The following THSD4 variants were observed in gnomAD, a reference collection of about 807,000 sequenced individuals.
The protein encoded by THSD4 is thrombospondin type 1 domain containing 4, also known as thrombospondin type-1 domain-containing protein 4.
A neutral mutation model predicts 119.0 loss-of-function variants in THSD4; 69 were observed. The ratio of observed to expected loss-of-function variants is 0.58; its 90% CI spans 0.48 to 0.71. THSD4 has a LOEUF of 0.71. Ranked by LOEUF, THSD4 falls within the 30% of genes least tolerant of loss-of-function variation. THSD4 has a pLI of 0.00. For synonymous variants in THSD4, 524 were observed against 540.4 expected (o/e 0.97, Z 0.42); for missense variants, 1,393 against 1,391.1 (o/e 1.00, Z -0.02).
intron 7 of THSD4, among the ~76,000 whole-genome samples, chr15:71,642,982 C>A (rs1192184030): frequency 6.6e-6 from 1 of 152,116 alleles, no homozygotes; most frequent in Non-Finnish European, 1.5e-5. Context: ...AGTCTAGGTT[C>A]TGGGACTGGA....
intron 7 of THSD4, among the ~76,000 whole-genome samples, chr15:71,606,633 C>G (rs185935044): frequency 6.6e-6 from 1 of 152,188 alleles, no homozygotes; most frequent in East Asian, 1.9e-4. Flanking sequence ...CTCCACCTCC[C>G]GGGTTCAAGC....
At chr15:71,117,793 C>T (rs1393511047) in intron 1 of THSD4, among the ~76,000 whole-genome samples, 2 of 152,178 alleles carry the variant, frequency 1.3e-5, no homozygotes, top group Admixed American at 1.3e-4. Flanking sequence ...TAATTTATCT[C>T]CAACAGATAT....
At chr15:71,402,446 C>A (rs28454401) in intron 6 of THSD4, among the ~76,000 whole-genome samples, 1 of 152,002 alleles carries the variant, frequency 6.6e-6, no homozygotes, top group African/African-American at 2.4e-5. Flanking sequence ...GAGCACTGAT[C>A]CTAAAGCAGA....
At chr15:71,448,515 C>T (rs894245651) in intron 7 of THSD4, among the ~76,000 whole-genome samples, 4 of 152,088 alleles carry the variant, frequency 2.6e-5, no homozygotes, top group Non-Finnish European at 4.4e-5. Flanking sequence ...GTAAGTAATG[C>T]CTAGTATGGA....
intron 17 of THSD4, among the ~76,000 whole-genome samples, chr15:71,773,622 T>C (rs184080100): frequency 8.5e-4 from 130 of 152,364 alleles, no homozygotes; most frequent in Middle Eastern, 3.4e-3. Context: ...AAATTATACC[T>C]GTCAATGCCA....
intron 2 of THSD4, among the ~76,000 whole-genome samples, chr15:71,153,139 A>G (rs916395136): frequency 6.6e-6 from 1 of 152,160 alleles, no homozygotes; most frequent in Non-Finnish European, 1.5e-5. Flanking sequence ...GTACCCCCAG[A>G]TACCAGGGCA....
intron 8 of THSD4, among the ~76,000 whole-genome samples, chr15:71,677,387 A>G (rs4776566): frequency 1.3e-5 from 2 of 152,146 alleles, no homozygotes; most frequent in East Asian, 1.9e-4. Flanking sequence ...ACTCTTGTCC[A>G]GAACCAAATA....
At chr15:71,190,933 C>T (rs897776642) in intron 3 of THSD4, among the ~76,000 whole-genome samples, 3 of 152,158 alleles carry the variant, frequency 2.0e-5, no homozygotes, top group East Asian at 1.9e-4. Context: ...TTTAGACTCG[C>T]GTCCCCCTTC....
intron 6 of THSD4, among the ~76,000 whole-genome samples, chr15:71,322,214 C>G (rs2083610): frequency 0.052 from 7,876 of 152,204 alleles, 214 homozygotes; most frequent in Non-Finnish European, 0.063. Context: ...TACCTGCTGA[C>G]TTGCTTGCTA....
chr15:71,251,901 G>C (rs987977591), intron 5 of THSD4, among the ~76,000 whole-genome samples: 2 of 152,166 alleles, frequency 1.3e-5, no homozygotes, highest in African/African-American at 4.8e-5. Flanking sequence ...CAATTGTCTA[G>C]ATAGAACTTT....
intron 7 of THSD4, among the ~76,000 whole-genome samples, chr15:71,616,909 C>T (rs549222942): frequency 5.9e-5 from 9 of 152,286 alleles, no homozygotes; most frequent in Admixed American, 5.9e-4. Context: ...TCCTCGAAAG[C>T]TTCATTTACA....
At chr15:71,266,074 G>A (rs2044462616) in intron 6 of THSD4, among the ~76,000 whole-genome samples, 1 of 152,246 alleles carries the variant, frequency 6.6e-6, no homozygotes, top group African/African-American at 2.4e-5. Context: ...TCTGAAGAGA[G>A]CAGCGGATCT....
chr15:71,765,102 A>G lies in THSD4; in HGVS notation c.2672A>G (p.Asp891Gly). Residue 891 changes from aspartate to glycine, a missense_variant, in exon 16 of 18, where the codon GAC becomes GGC. Coordinates refer to ENST00000261862, the MANE Select transcript of THSD4 (RefSeq NM_024817.3). ...RKNADTFEVLDPSECSFLEKP... is the reference protein window; with the variant it reads ...RKNADTFEVLGPSECSFLEKP... Reference sequence around the variant, plus strand: ...AATGCAGACACCTTTGAAGTGTTGGACCCCTCTGAATGTTCTTTCCTGGAG... The same window carrying G: ...AATGCAGACACCTTTGAAGTGTTGGGCCCCTCTGAATGTTCTTTCCTGGAG... 2 of 1,614,106 alleles carry G rather than the reference A, an allele frequency of 1.2e-6. No individual in the cohort carries two copies. The highest frequency in any genetic ancestry group is 1.7e-6 in the Non-Finnish European group (2 of 1,180,016).
intron 8 of THSD4, among the ~76,000 whole-genome samples, chr15:71,701,683 T>C (rs1230599740): frequency 1.3e-5 from 2 of 152,180 alleles, no homozygotes; most frequent in African/African-American, 4.8e-5. Flanking sequence ...AAAAAAATTA[T>C]AGTAGGGTCC....
intron 6 of THSD4, among the ~76,000 whole-genome samples, chr15:71,382,092 A>G (rs1203426341): frequency 6.6e-6 from 1 of 152,172 alleles, no homozygotes; most frequent in African/African-American, 2.4e-5. Flanking sequence ...TCAAGATGAC[A>G]ATAAGGTATT....
chr15:71,741,713 AC>A (rs1567130460), intron 11 of THSD4, among the ~76,000 whole-genome samples: 1 of 148,716 alleles, frequency 6.7e-6, no homozygotes, highest in Admixed American at 6.6e-5. Flanking sequence ...ACACACACAC[AC>A]ACACACACAC....
chr15:71,363,580 C>A (rs556091469), intron 6 of THSD4, among the ~76,000 whole-genome samples: 1 of 152,148 alleles, frequency 6.6e-6, no homozygotes, highest in Non-Finnish European at 1.5e-5. Flanking sequence ...GAACAAAAAG[C>A]GAAATCATGA....
chr15:71,385,187 C>T (rs1208331734), intron 6 of THSD4, among the ~76,000 whole-genome samples: 2 of 152,096 alleles, frequency 1.3e-5, no homozygotes, highest in Non-Finnish European at 2.9e-5. Context: ...AAAAAAATTG[C>T]TCATATAAAC....
In THSD4 at chr15:71,540,576, G is replaced by A. The variant is rs1447363833; in HGVS notation, c.1153-119954G>A. On this transcript the variant is annotated intron_variant, in intron 7 of 17. Coordinates refer to ENST00000261862, the MANE Select transcript of THSD4 (RefSeq NM_024817.3). Reference sequence around the variant, plus strand: ...CCCGAGTAGATGGGATTACAAGCACGTGCCACCACACTCAGCTAATTTTTG... The same window carrying A: ...CCCGAGTAGATGGGATTACAAGCACATGCCACCACACTCAGCTAATTTTTG... 2.8e-5 allele frequency among the ~76,000 whole-genome samples: 4 copies of A among 140,532 alleles called. No homozygotes were observed. The South Asian group carries it at 9.1e-4, about 32-fold the overall frequency. The allele number at this position is 140,532 out of a possible 152,430, so 92.2% of individuals were successfully genotyped here.
Sources: allele counts gnomAD v4.1 joint callset (sites outside exome capture counted in the v4.1 genomes callset), GRCh38; gene constraint gnomAD v4.1.1; transcripts MANE v1.5; gene names NCBI Gene and HGNC (gene_info 2026-07-23, HGNC 2026-07-21).